Variants in MBD5 observed in about 807,000 individuals in gnomAD.
The protein encoded by MBD5 is methyl-CpG binding domain protein 5.
In MBD5, 13 loss-of-function variants were observed where a neutral mutation model predicts 117.3. The observed-to-expected ratio is 0.11, with a 90% CI of 0.07 to 0.18. MBD5 has a LOEUF of 0.18. Among genes scored for constraint, MBD5 ranks in the 10% least tolerant of loss-of-function variants. The pLI is 1.00. For missense variants in MBD5, 1,879 were observed against 2,093.8 expected (o/e 0.90, Z 2.00); for synonymous variants, 727 against 766.4 (o/e 0.95, Z 0.85).
chr2:148,463,265 C>CA (rs1161786547), intron 6 of MBD5, among the ~76,000 whole-genome samples: 2 of 151,704 alleles, frequency 1.3e-5, no homozygotes, highest in Non-Finnish European at 2.9e-5. Context: ...CACCGCATTC[C>CA]AAAAAAAGAT....
At chr2:148,355,118 TGTTTG>T (rs1376730103) in intron 4 of MBD5, among the ~76,000 whole-genome samples, 2 of 142,918 alleles carry the variant, frequency 1.4e-5, no homozygotes, top group African/African-American at 5.0e-5. Context: ...TTGATGGGGT[TGTTTG>T]TTTTTTTTCT....
rs113101826 is a variant in MBD5 at position 148,424,233 on chromosome 2, C to G, written c.-556-33970C>G. ...AAAAAAAAACAGCAGAGGTCGTAAT[C>G]CTAGTCTCTGATAAAACAGACTTTA... On this transcript the variant is annotated intron_variant, in intron 4 of 13. Transcript: ENST00000642680. Among the ~76,000 whole-genome samples, 737 of 134,078 alleles carry G rather than the reference C, an allele frequency of 5.5e-3. 8 individuals carry two copies. The highest frequency in any genetic ancestry group is 0.019 in the African/African-American group (712 of 37,216). 88.0% of individuals were successfully genotyped at this position (134,078 alleles called of 152,430 possible).
At chr2:148,507,171 G>A (rs1682058493) in intron 12 of MBD5, among the ~76,000 whole-genome samples, 1 of 152,174 alleles carries the variant, frequency 6.6e-6, no homozygotes, top group Non-Finnish European at 1.5e-5. Flanking sequence ...TAAATATCTT[G>A]AAGAATGAGA....
intron 3 of MBD5, among the ~76,000 whole-genome samples, chr2:148,323,435 C>G (rs10208305): frequency 3.3e-5 from 5 of 151,624 alleles, no homozygotes; most frequent in African/African-American, 9.7e-5. Context: ...ACTTCCACAA[C>G]GGTTGAACTA....
At chr2:148,433,594 T>G (rs965398768) in intron 4 of MBD5, among the ~76,000 whole-genome samples, 3 of 152,212 alleles carry the variant, frequency 2.0e-5, no homozygotes, top group Non-Finnish European at 2.9e-5. Flanking sequence ...CTTTTCTGCA[T>G]CTATTGAGAT....
At chr2:148,347,334 C>CATTG (rs1703147321) in intron 4 of MBD5, 1 of 151,996 alleles carries the variant, frequency 6.6e-6, no homozygotes. Context: ...ATGACTGCAC[C>CATTG]ATTGCACTCC....
chr2:148,253,872 T>C (rs1700522331), intron 3 of MBD5, among the ~76,000 whole-genome samples: 1 of 152,208 alleles, frequency 6.6e-6, no homozygotes, highest in Admixed American at 6.5e-5. Flanking sequence ...TCACGTGACA[T>C]GGTTACATAA....
At chr2:148,049,198 A>G (rs1241521108) in intron 1 of MBD5, among the ~76,000 whole-genome samples, 1 of 152,204 alleles carries the variant, frequency 6.6e-6, no homozygotes. Flanking sequence ...TCAGCTGCCC[A>G]GTGATTGTAC....
At chr2:148,400,002 G>C (rs1439206248) in intron 4 of MBD5, among the ~76,000 whole-genome samples, 1 of 152,122 alleles carries the variant, frequency 6.6e-6, no homozygotes, top group Admixed American at 6.6e-5. Flanking sequence ...CAGGGTTGAA[G>C]CCCACTTGAT....
chr2:148,484,009 G>A lies in MBD5; in HGVS notation c.3418G>A (p.Val1140Met). ...CTCAACACTTGGTGGGACAGCAGTG[G>A]TGTCAATGGCAGAAACATTGCTGAA... The part of the protein sequence containing the change: ...TVSTLGGTAV[V>M]SMAETLLNIS... Residue 1140 changes from valine (V) to methionine (M), a missense_variant, in exon 9 of 14, where the codon GTG (valine) becomes ATG (methionine). This residue lies in a region of MBD5 where 1,666 missense variants were observed against 1,792.2 expected (regional missense o/e 0.93). Transcript: ENST00000642680. 1 of 1,550,484 alleles carries A rather than the reference G, an allele frequency of 6.4e-7. No individual in the cohort carries two copies. The highest frequency in any genetic ancestry group is 8.7e-7 in the Non-Finnish European group (1 of 1,146,938).
intron 1 of MBD5, chr2:148,062,130 C>CTATA (rs1695052264): frequency 6.6e-6 from 1 of 151,604 alleles, no homozygotes; most frequent in South Asian, 2.1e-4. Context: ...TATAGAATTG[C>CTATA]TCAACTAATT....
Position 148,208,932 on chromosome 2 carries a change from C to A in MBD5, c.-830-24313C>A, listed in dbSNP as rs149120489. Among the ~76,000 whole-genome samples, 21 of 152,060 alleles carry A rather than the reference C, an allele frequency of 1.4e-4. 1 individual carries two copies. The East Asian group carries it at 3.9e-3, about 28-fold the overall frequency. ...TTGAAGCAAATTGTATTTTAATTGT[C>A]TCTAGTTATGTTTTCACATGGGATT... On this transcript the variant is annotated intron_variant, in intron 2 of 13. Coordinates refer to ENST00000642680, the MANE Select transcript of MBD5 (RefSeq NM_001378120.1).
At chr2:148,060,660 T>C (rs1427704661) in intron 1 of MBD5, among the ~76,000 whole-genome samples, 1 of 152,162 alleles carries the variant, frequency 6.6e-6, no homozygotes, top group Non-Finnish European at 1.5e-5. Context: ...CACAGGAGAA[T>C]TGGAAAAAGC....
At position 148,296,863 on chromosome 2, in the gene MBD5, A is replaced by ATTTTTTTTTTTTTTTTTTTTTTTT. The variant is rs1559010681; in HGVS notation, c.-679-45351_-679-45350insTTTTTTTTTTTTTTTTTTTTTTTT. 6.6e-4 allele frequency among the ~76,000 whole-genome samples: 25 copies of ATTTTTTTTTTTTTTTTTTTTTTTT among 37,706 alleles called. 8 individuals are homozygous for ATTTTTTTTTTTTTTTTTTTTTTTT. The highest frequency in any genetic ancestry group is 1.3e-3 in the Non-Finnish European group (24 of 18,966). The allele number at this position is 37,706 out of a possible 152,430, so 24.7% of individuals were successfully genotyped here. A position where few individuals can be genotyped will look rare whatever the true frequency, so the allele number is the denominator to read the frequency against. On this transcript the variant is annotated intron_variant, in intron 3 of 13. Transcript: ENST00000642680. ...TAAGCATAGTTTGCTTTAGTTCTTC[A>ATTTTTTTTTTTTTTTTTTTTTTTT]ATTTTTTTTTTTTTTTTTTTTGGAG...
intron 4 of MBD5, among the ~76,000 whole-genome samples, chr2:148,436,081 C>G (rs1380088540): frequency 6.6e-6 from 1 of 152,136 alleles, no homozygotes; most frequent in Non-Finnish European, 1.5e-5. Flanking sequence ...AGTTAAGATA[C>G]CTATAGACCA....
At chr2:148,162,968 TA>T (rs1558953883) in intron 1 of MBD5, among the ~76,000 whole-genome samples, 1 of 152,202 alleles carries the variant, frequency 6.6e-6, no homozygotes, top group Non-Finnish European at 1.5e-5. Flanking sequence ...ACCTTGATAC[TA>T]AAAGTAAGTT....
chr2:148,369,333 A>T (rs895852170), intron 4 of MBD5, among the ~76,000 whole-genome samples: 1 of 152,152 alleles, frequency 6.6e-6, no homozygotes, highest in Non-Finnish European at 1.5e-5. Flanking sequence ...CACAAAGGGC[A>T]TTGTTGGGAC....
At chr2:148,139,980 G>A (rs796996221) in intron 1 of MBD5, among the ~76,000 whole-genome samples, 9 of 152,272 alleles carry the variant, frequency 5.9e-5, no homozygotes, top group African/African-American at 2.2e-4. Context: ...TATTGTTGCC[G>A]TGAAAATGAT....
intron 1 of MBD5, among the ~76,000 whole-genome samples, chr2:148,082,168 A>C (rs747604842): frequency 7.2e-5 from 11 of 152,198 alleles, no homozygotes; most frequent in Non-Finnish European, 8.8e-5. Context: ...ATTTCTTTTC[A>C]CAAACCCCAC....
Sources: allele counts gnomAD v4.1 joint callset (sites outside exome capture counted in the v4.1 genomes callset), GRCh38; gene constraint gnomAD v4.1.1; regional missense constraint gnomAD v4.1.1; transcripts MANE v1.5; gene names NCBI Gene and HGNC (gene_info 2026-07-23, HGNC 2026-07-21).